Variants in INSL6 observed in about 807,000 individuals in gnomAD.
INSL6 encodes the protein insulin like 6.
Under a neutral mutation model 9.4 loss-of-function variants are expected in INSL6, and 16 were observed. That is an observed-to-expected ratio of 1.70 (90% CI 1.15 to 2.59). The LOEUF (loss-of-function observed/expected upper bound fraction) is 2.59. INSL6 is among the 30% of genes most tolerant of loss of function. INSL6 has a pLI of 0.00. For synonymous variants in INSL6, 154 were observed against 96.9 expected (o/e 1.59, Z -3.46); for missense variants, 391 against 257.3 (o/e 1.52, Z -3.56).
chr9:5,148,121 T>G (rs960874654), intron 2 of INSL6, among the ~76,000 whole-genome samples: 2 of 152,196 alleles, frequency 1.3e-5, no homozygotes, highest in African/African-American at 4.8e-5. Flanking sequence ...TATTTTTTAA[T>G]TGTCAGAGTT....
the INSL6 span, chr9:5,044,450 G>C: frequency 6.2e-7 from 1 of 1,613,068 alleles, no homozygotes; most frequent in African/African-American, 1.3e-5. Context: ...AGAGCCTATC[G>C]GCATGGAATA....
chr9:5,091,045 CTT>C, the INSL6 span: 40 of 528,734 alleles, frequency 7.6e-5, no homozygotes, highest in Non-Finnish European at 8.5e-5. Flanking sequence ...TTACATTTAA[CTT>C]TTTTTTTTTA....
At chr9:5,174,117 G>A (rs548632855) in intron 1 of INSL6, among the ~76,000 whole-genome samples, 9 of 152,054 alleles carry the variant, frequency 5.9e-5, no homozygotes, top group African/African-American at 1.4e-4. Flanking sequence ...ATCCTTCTCC[G>A]CATTCTTCAT....
chr9:5,078,180 A>T, the INSL6 span: 1 of 706,104 alleles, frequency 1.4e-6, no homozygotes, highest in Non-Finnish European at 2.3e-6. Flanking sequence ...TTCTCAATGC[A>T]TGCCTCCAAA....
chr9:5,092,454 C>A, the INSL6 span, among the ~76,000 whole-genome samples: 1 of 152,174 alleles, frequency 6.6e-6, no homozygotes, highest in Non-Finnish European at 1.5e-5. Context: ...CGGAAGATTT[C>A]ATCACAACCT....
At chr9:5,104,705 C>T in the INSL6 span, among the ~76,000 whole-genome samples, 1 of 152,220 alleles carries the variant, frequency 6.6e-6, no homozygotes, top group African/African-American at 2.4e-5. Flanking sequence ...AAAAGCTTAT[C>T]AACCACGATC....
At chr9:5,051,025 C>A in the INSL6 span, among the ~76,000 whole-genome samples, 2 of 152,130 alleles carry the variant, frequency 1.3e-5, no homozygotes, top group Non-Finnish European at 2.9e-5. Flanking sequence ...ATTGAACTTA[C>A]CAGTTGAGCA....
chr9:5,155,782 TA>T (rs1824804674), intron 2 of INSL6, among the ~76,000 whole-genome samples: 1 of 145,070 alleles, frequency 6.9e-6, no homozygotes, highest in South Asian at 2.2e-4. Context: ...GGTGGGGGGA[TA>T]GGGGAGGGAT....
At chr9:5,085,390 C>A in the INSL6 span, 1 of 863,996 alleles carries the variant, frequency 1.2e-6, no homozygotes, top group Non-Finnish European at 2.0e-6. Flanking sequence ...TGGGTCGGGG[C>A]ATCCTAGAAC....
intron 2 of INSL6, among the ~76,000 whole-genome samples, chr9:5,147,105 A>G (rs972547425): frequency 3.9e-5 from 6 of 152,166 alleles, no homozygotes; most frequent in African/African-American, 1.4e-4. Context: ...ACATTCTGCT[A>G]CAGATGCTCC....
chr9:5,079,536 A>C, the INSL6 span, among the ~76,000 whole-genome samples: 5 of 151,858 alleles, frequency 3.3e-5, no homozygotes, highest in East Asian at 9.7e-4. Context: ...TGCCATGGCT[A>C]TTAAATCATT....
the INSL6 span, chr9:5,055,560 A>G: frequency 1.2e-6 from 1 of 828,670 alleles, no homozygotes. Flanking sequence ...TGTTATCAAT[A>G]CCTTTTTTAT....
chr9:5,089,344 C>G, the INSL6 span, among the ~76,000 whole-genome samples: 1 of 151,928 alleles, frequency 6.6e-6, no homozygotes, highest in Non-Finnish European at 1.5e-5. Context: ...CAAGACAATC[C>G]TGGCTAACAC....
intron 2 of INSL6, among the ~76,000 whole-genome samples, chr9:5,155,543 A>T (rs1224975506): frequency 1.3e-5 from 2 of 151,394 alleles, no homozygotes; most frequent in Admixed American, 1.3e-4. Context: ...AAAAAAAAAG[A>T]AAAAAGAAAA....
chr9:5,118,663 A>G, the INSL6 span, among the ~76,000 whole-genome samples: 1 of 152,172 alleles, frequency 6.6e-6, no homozygotes, highest in Non-Finnish European at 1.5e-5. Flanking sequence ...ACAGATGTAA[A>G]CGCTGAGAAA....
chr9:4,998,595 C>T, the INSL6 span, among the ~76,000 whole-genome samples: 1 of 151,872 alleles, frequency 6.6e-6, no homozygotes, highest in African/African-American at 2.4e-5. Context: ...AGCACTTGTC[C>T]CATATTTGTT....
chr9:5,164,468 T>C (rs141386537), intron 1 of INSL6, among the ~76,000 whole-genome samples: 6 of 152,386 alleles, frequency 3.9e-5, no homozygotes, highest in African/African-American at 1.2e-4. Flanking sequence ...TACGCCTTTG[T>C]ACATTTTTGT....
the INSL6 span, chr9:5,080,144 G>C: frequency 1.9e-6 from 2 of 1,063,660 alleles, no homozygotes; most frequent in East Asian, 4.9e-5. Flanking sequence ...TTATTCAAAT[G>C]ATTTGAACTT....
chr9:5,174,246 C>G (rs1038189557), intron 1 of INSL6, among the ~76,000 whole-genome samples: 1 of 152,150 alleles, frequency 6.6e-6, no homozygotes, highest in South Asian at 2.1e-4. Context: ...CAGCTACCAT[C>G]GTATCTATTT....
Sources: gnomAD v4.1 joint callset for allele counts (sites outside exome capture counted in the v4.1 genomes callset) on GRCh38, gnomAD v4.1.1 for gene constraint, MANE v1.5 for transcripts, NCBI Gene and HGNC (gene_info 2026-07-23, HGNC 2026-07-21) for gene names.